The following ADGRB2 variants were observed in gnomAD, a reference collection of about 807,000 sequenced individuals.
ADGRB2 encodes the protein brain-specific angiogenesis inhibitor 2.
A neutral mutation model predicts 178.7 loss-of-function variants in ADGRB2; 47 were observed. That is an observed-to-expected ratio of 0.26 (90% CI 0.21 to 0.34). The LOEUF (loss-of-function observed/expected upper bound fraction) is 0.34. Ranked by LOEUF, ADGRB2 falls within the 10% of genes least tolerant of loss-of-function variation. ADGRB2 has a pLI of 1.00. For synonymous variants in ADGRB2, 870 were observed against 912.4 expected (o/e 0.95, Z 0.84); for missense variants, 1,584 against 2,180.8 (o/e 0.73, Z 5.45).
chr1:31,762,973 G>A (rs1284199484), intron 1 of ADGRB2, among the ~76,000 whole-genome samples: 3 of 152,224 alleles, frequency 2.0e-5, no homozygotes, highest in Non-Finnish European at 2.9e-5. Context: ...CCCCGGCTGT[G>A]CCCTCGGACC....
chr1:31,736,620 C>T lies in ADGRB2; in HGVS notation c.3083G>A (p.Arg1028Gln), dbSNP rs752184413. ...AWQSYLAVIG[R>Q]MRTRLVRKRF... ...CTTGCGAACGAGGCGGGTGCGCATCCGCCCAATGACAGCCAGGTAGGACTG... is the reference window on the plus strand; with the variant it reads ...CTTGCGAACGAGGCGGGTGCGCATCTGCCCAATGACAGCCAGGTAGGACTG... Residue 1028 changes from arginine (R) to glutamine (Q), a missense_variant, in exon 21 of 33, where the codon CGG becomes CAG. Physicochemically the swap from Arg to Gln is conservative, Grantham distance 43. Around this residue, in one of 3 missense-constraint regions of ADGRB2, gnomAD observed 865 missense variants for 1,192.8 expected, o/e 0.73. Transcript: ENST00000373658. 19 of 1,614,026 alleles carry T rather than the reference C, an allele frequency of 1.2e-5. No individual in the cohort carries two copies. Among genetic ancestry groups the T allele is most frequent in the South Asian group, 3.3e-5 (3 of 91,084 alleles).
chr1:31,728,472 A>AC lies in ADGRB2; in HGVS notation c.4416+125dup. 6.8e-7 allele frequency: 1 copy of AC among 1,461,548 alleles called. No individual in the cohort carries two copies. Among genetic ancestry groups the AC allele is most frequent in the Non-Finnish European group, 9.6e-7 (1 of 1,044,558 alleles). The allele number at this position is 1,461,548 out of a possible 1,614,324, so 90.5% of individuals were successfully genotyped here. A position where few individuals can be genotyped will look rare whatever the true frequency, so the allele number is the denominator to read the frequency against. ...GGGAATCATGGGAAGATCCCACGGAACCCCCGGGCTTGGGCTCCTGGGGTC... is the reference window on the plus strand; with the variant it reads ...GGGAATCATGGGAAGATCCCACGGAACCCCCCGGGCTTGGGCTCCTGGGGTC... On this transcript the variant is annotated intron_variant, in intron 30 of 32. Coordinates refer to ENST00000373658, the MANE Select transcript of ADGRB2 (RefSeq NM_001364857.2). The surrounding 1 kb of genome is among the most constrained non-coding windows in gnomAD (Gnocchi z 6.7).
In ADGRB2 at chr1:31,759,671, T is replaced by C. The variant is rs1646985859; in HGVS notation, c.-190-2160A>G. Reference sequence around the variant, plus strand: ...GACCTTTTGGGGCGCCTTTTTATATTACTTCCCACCATTCAAAATAAGGCA... The same window carrying C: ...GACCTTTTGGGGCGCCTTTTTATATCACTTCCCACCATTCAAAATAAGGCA... On this transcript the variant is annotated intron_variant, in intron 1 of 32. Coordinates refer to ENST00000373658, the MANE Select transcript of ADGRB2 (RefSeq NM_001364857.2). The surrounding 1 kb of genome is among the most constrained non-coding windows in gnomAD (Gnocchi z 4.3). Among the ~76,000 whole-genome samples, 1 of 152,192 alleles carries C rather than the reference T, an allele frequency of 6.6e-6. No individual in the cohort carries two copies. The highest frequency in any genetic ancestry group is 2.4e-5 in the African/African-American group (1 of 41,456).
chr1:31,732,447 T>C, intron 27 of ADGRB2, 70 bp downstream of exon 27: 4 of 1,550,002 alleles, frequency 2.6e-6, no homozygotes, highest in Non-Finnish European at 3.6e-6. Context: ...AGGTAAATGG[T>C]CTAGGGCAGG....
At chr1:31,746,262 G>A (rs549222016) in intron 4 of ADGRB2, among the ~76,000 whole-genome samples, 2 of 152,222 alleles carry the variant, frequency 1.3e-5, no homozygotes, top group South Asian at 2.1e-4. Flanking sequence ...AGTCATTCTC[G>A]TTTATTTTTA....
Position 31,756,425 on chromosome 1 carries a change from C to A in ADGRB2, c.412G>T (p.Gly138Trp). The change falls in exon 4 of 33, where the codon GGG becomes TGG. Residue 138 changes from glycine to tryptophan, a missense_variant. Physicochemically the swap from Gly to Trp is radical, Grantham distance 184. This residue lies in a region of ADGRB2 where 657 missense variants were observed against 847.6 expected (regional missense o/e 0.78). Coordinates refer to ENST00000373658, the MANE Select transcript of ADGRB2 (RefSeq NM_001364857.2). The surrounding 1 kb of genome is among the most constrained non-coding windows in gnomAD (Gnocchi z 8.5). ...CCTGAGCCGCTGCACAGCTCCAACC[C>A]CGCTGCCGCCTCTGCCTCCTCCTCT... is the stretch of plus-strand genomic sequence containing the variant. The part of the protein sequence containing the change: ...PEEEEAEAAA[G>W]LELCSGSGPF... 6.2e-7 allele frequency: 1 copy of A among 1,612,314 alleles called. No individual in the cohort carries two copies.
chr1:31,757,085 A>T, intron 3 of ADGRB2, 116 bp downstream of exon 3: 1 of 1,551,354 alleles, frequency 6.4e-7, no homozygotes, highest in South Asian at 1.1e-5. Context: ...GAGTGCCTGG[A>T]ATCTTGTGAG....
intron 4 of ADGRB2, among the ~76,000 whole-genome samples, chr1:31,747,394 A>G (rs1401618588): frequency 1.3e-5 from 2 of 152,082 alleles, no homozygotes; most frequent in Non-Finnish European, 2.9e-5. Flanking sequence ...CCTCCTGAGC[A>G]GTTCTCCTGA....
chr1:31,730,947 G>T lies in ADGRB2; in HGVS notation c.4233C>A (p.Ala1411=). 1 of 1,571,580 alleles carries T rather than the reference G, an allele frequency of 6.4e-7. No homozygotes were observed. The highest frequency in any genetic ancestry group is 1.2e-5 in the South Asian group (1 of 85,052). Reference sequence around the variant, plus strand: ...CATAGGGATTCTGGAGAGATCCATAGGCAGGGCCCAGCCCCAGGCCCGAGT... The same window carrying T: ...CATAGGGATTCTGGAGAGATCCATATGCAGGGCCCAGCCCCAGGCCCGAGT... ...VDHSGLGLGP[A]YGSLQNPYGM... The change falls in exon 29 of 33, where the codon GCC becomes GCA. Residue 1411 remains alanine (A), a synonymous_variant. Transcript: ENST00000373658.
intron 1 of ADGRB2, among the ~76,000 whole-genome samples, chr1:31,763,244 A>G (rs1647098617): frequency 7.7e-6 from 1 of 129,696 alleles, no homozygotes; most frequent in Non-Finnish European, 1.6e-5. Context: ...AGCTGAGGGG[A>G]GGGGACTTGC....
rs1646772604 is a variant in ADGRB2 at position 31,755,243 on chromosome 1, A to G, written c.838+756T>C. On this transcript the variant is annotated intron_variant, in intron 4 of 32. Coordinates refer to ENST00000373658, the MANE Select transcript of ADGRB2 (RefSeq NM_001364857.2). This position sits in a 1 kb window ranked among gnomAD's most constrained non-coding sequence, Gnocchi z 5.1. ...TCAGGGCCTTGAAGCTGCAGGAAGC[A>G]GGGTCTGTAGAAGGCAGCCGTGGCT... Among the ~76,000 whole-genome samples the G allele has an allele frequency of 6.6e-6, 1 of 152,208 alleles. No individual in the cohort carries two copies. The highest frequency in any genetic ancestry group is 1.5e-5 in the Non-Finnish European group (1 of 68,024).
intron 28 of ADGRB2, 108 bp from the exon 29 acceptor site, chr1:31,731,527 G>A (rs1171624290): frequency 2.2e-6 from 3 of 1,372,370 alleles, no homozygotes; most frequent in African/African-American, 1.5e-5. Context: ...GACAGGAAAG[G>A]AAACTGGGTC....
chr1:31,728,462 A>T lies in ADGRB2; in HGVS notation c.4416+136T>A. Reference sequence around the variant, plus strand: ...TGGGCAGGGAGGGAATCATGGGAAGATCCCACGGAACCCCCGGGCTTGGGC... The same window carrying T: ...TGGGCAGGGAGGGAATCATGGGAAGTTCCCACGGAACCCCCGGGCTTGGGC... On this transcript the variant is annotated intron_variant, in intron 30 of 32. Coordinates refer to ENST00000373658, the MANE Select transcript of ADGRB2 (RefSeq NM_001364857.2). This position sits in a 1 kb window ranked among gnomAD's most constrained non-coding sequence, Gnocchi z 6.7. 1.4e-6 allele frequency: 2 copies of T among 1,423,578 alleles called. No homozygotes were observed. The highest frequency in any genetic ancestry group is 2.0e-6 in the Non-Finnish European group (2 of 1,011,524). 88.2% of individuals were successfully genotyped at this position (1,423,578 alleles called of 1,614,324 possible).
In ADGRB2 at chr1:31,742,190, G is replaced by C. The variant is rs767733844; in HGVS notation, c.1280C>G (p.Pro427Arg). The change falls in exon 8 of 33, where the codon CCC (proline) becomes CGC (arginine). Residue 427 changes from proline to arginine, a missense_variant. Transcript: ENST00000373658. ...ACAGGACGTGGAGCATGGGCCCCAGGGACCCCATTCTAACCACTGGCCTTC... is the reference window on the plus strand; with the variant it reads ...ACAGGACGTGGAGCATGGGCCCCAGCGACCCCATTCTAACCACTGGCCTTC... ...PVEGQWLEWG[P>R]WGPCSTSCAN... The C allele has an allele frequency of 2.5e-6, 4 of 1,610,560 alleles. No homozygotes were observed. In the South Asian group the frequency reaches 3.3e-5, roughly 13 times the overall value.
At chr1:31,752,639 C>A (rs1051723552) in intron 4 of ADGRB2, among the ~76,000 whole-genome samples, 3 of 152,138 alleles carry the variant, frequency 2.0e-5, no homozygotes, top group Non-Finnish European at 2.9e-5. Flanking sequence ...TTCGAGGAGC[C>A]TCAGTTGAAA....
intron 4 of ADGRB2, among the ~76,000 whole-genome samples, chr1:31,752,241 G>A (rs186116485): frequency 1.3e-5 from 2 of 152,304 alleles, no homozygotes; most frequent in East Asian, 3.9e-4. Flanking sequence ...ATGAAGATGT[G>A]TGTGAGGGAT....
rs1034258366 is a variant in ADGRB2 at position 31,738,940 on chromosome 1, G to A, written c.2496-3C>T. 6.2e-7 allele frequency: 1 copy of A among 1,606,392 alleles called. No individual in the cohort carries two copies. Among genetic ancestry groups the A allele is most frequent in the Non-Finnish European group, 8.5e-7 (1 of 1,175,172 alleles). On this transcript the variant is annotated splice_polypyrimidine_tract_variant and splice_region_variant and intron_variant, in intron 15 of 32. Transcript: ENST00000373658. ...GGGATGTGACGGCCAGCGGGGGCCTGCGGGACAGGTACCGAAGTCAGCTCC... is the reference window on the plus strand; with the variant it reads ...GGGATGTGACGGCCAGCGGGGGCCTACGGGACAGGTACCGAAGTCAGCTCC...
rs200240665 is a variant in ADGRB2 at position 31,732,624 on chromosome 1, G to A, written c.3625-12C>T. On this transcript the variant is annotated splice_polypyrimidine_tract_variant and intron_variant, in intron 26 of 32. Transcript: ENST00000373658. Reference sequence around the variant, plus strand: ...ACCACATCCTGGACCTGGGGACAGAGGGCGCCTGCTGGGCCTGAGGCCACT... The same window carrying A: ...ACCACATCCTGGACCTGGGGACAGAAGGCGCCTGCTGGGCCTGAGGCCACT... The A allele has an allele frequency of 3.8e-5, 61 of 1,613,322 alleles. No homozygotes were observed. In the African/African-American group the frequency reaches 7.9e-4, roughly 21 times the overall value.
rs552086375 is a variant in ADGRB2 at position 31,733,703 on chromosome 1, C to A, written c.3453-560G>T. 1.1e-3 allele frequency among the ~76,000 whole-genome samples: 163 copies of A among 152,124 alleles called. No individual in the cohort carries two copies. The highest frequency in any genetic ancestry group is 2.0e-3 in the Non-Finnish European group (136 of 68,024). On this transcript the variant is annotated intron_variant, in intron 25 of 32. Coordinates refer to ENST00000373658, the MANE Select transcript of ADGRB2 (RefSeq NM_001364857.2). This position sits in a 1 kb window ranked among gnomAD's most constrained non-coding sequence, Gnocchi z 4.3. ...AGGACCAGTGAAGCAGAACTCCCCC[C>A]ACACACAGAGAAGACGCCAGGCTCC...
Sources: gnomAD v4.1 joint callset for allele counts (sites outside exome capture counted in the v4.1 genomes callset) on GRCh38, gnomAD v4.1.1 for gene constraint, gnomAD v4.1.1 regional missense constraint, Gnocchi (gnomAD v3.1) non-coding constraint, MANE v1.5 for transcripts, NCBI Gene and HGNC (gene_info 2026-07-23, HGNC 2026-07-21) for gene names.